Variants in PKHD1 observed in about 807,000 individuals in gnomAD.
The protein encoded by PKHD1 is fibrocystin.
PKHD1 carries 291 observed loss-of-function variants against 412.0 expected under a neutral mutation model. That is an observed-to-expected ratio of 0.71 (90% confidence interval 0.64 to 0.78). PKHD1 has a LOEUF of 0.78. Among genes scored for constraint, PKHD1 ranks in the 30% least tolerant of loss-of-function variants. PKHD1 has a pLI of 0.00. For missense variants in PKHD1, 4,825 were observed against 4,950.7 expected, an observed-to-expected ratio of 0.97 and a Z score of 0.76; for synonymous variants, 1,777 against 1,821.5, an observed-to-expected ratio of 0.98 and a Z score of 0.62.
intron 60 of PKHD1, among the ~76,000 whole-genome samples, chr6:51,692,261 T>TCACA (rs3061680): frequency 0.079 from 11,670 of 147,330 alleles, 840 homozygotes; most frequent in African/African-American, 0.19. Context: ...ATCACATAAT[T>TCACA]CACACACACA....
At chr6:51,819,787 A>G (rs1480084538) in intron 52 of PKHD1, among the ~76,000 whole-genome samples, 1 of 152,206 alleles carries the variant, frequency 6.6e-6, no homozygotes, top group Non-Finnish European at 1.5e-5. Flanking sequence ...GAATACATGT[A>G]AATCAATTTT....
chr6:51,854,252 C>T (rs995052619), intron 49 of PKHD1, among the ~76,000 whole-genome samples: 7 of 151,910 alleles, frequency 4.6e-5, no homozygotes, highest in Non-Finnish European at 8.8e-5. Context: ...TGCTCCCATG[C>T]CTGGAGATGT....
At chr6:51,789,956 CA>C (rs1178434579) in intron 53 of PKHD1, among the ~76,000 whole-genome samples, 1 of 152,104 alleles carries the variant, frequency 6.6e-6, no homozygotes, top group East Asian at 1.9e-4. Flanking sequence ...GGATTTTAAA[CA>C]ATGGGAACAG....
chr6:51,917,161 G>C (rs376613433), intron 37 of PKHD1, among the ~76,000 whole-genome samples: 2 of 145,378 alleles, frequency 1.4e-5, no homozygotes, highest in African/African-American at 5.1e-5. Context: ...TTTAGGGTGG[G>C]GGAGGGAGAG....
At chr6:51,769,593 T>C (rs1364419832) in intron 55 of PKHD1, among the ~76,000 whole-genome samples, 1 of 151,534 alleles carries the variant, frequency 6.6e-6, no homozygotes, top group Non-Finnish European at 1.5e-5. Context: ...ATCTTACTAA[T>C]TTTCTACTTT....
intron 10 of PKHD1, among the ~76,000 whole-genome samples, chr6:52,069,848 GAGAA>G (rs1810334216): frequency 6.6e-6 from 1 of 152,128 alleles, no homozygotes; most frequent in Non-Finnish European, 1.5e-5. Context: ...CTTCCAAAAT[GAGAA>G]AGAGAGAAAA....
intron 60 of PKHD1, among the ~76,000 whole-genome samples, chr6:51,704,219 T>A (rs1006403634): frequency 2.6e-5 from 4 of 151,948 alleles, no homozygotes; most frequent in African/African-American, 9.7e-5. Flanking sequence ...AAAACCAGAA[T>A]AACATATTGC....
At chr6:51,827,119 A>C (rs1029689678) in intron 52 of PKHD1, among the ~76,000 whole-genome samples, 1 of 152,284 alleles carries the variant, frequency 6.6e-6, no homozygotes, top group Non-Finnish European at 1.5e-5. Flanking sequence ...GTTCCATTAA[A>C]ATCGTATTAT....
chr6:51,748,427 G>T lies in PKHD1; in HGVS notation c.9189C>A (p.Asn3063Lys). ...LEGQAYTVTNNLVVLMTQPAW... is the reference protein window; with the variant it reads ...LEGQAYTVTNKLVVLMTQPAW... ...CTGGCTGTGTCATCAGAACCACAAGGTTATTAGTGACAGTATAGGCCTGAC... is the reference window on the plus strand; with the variant it reads ...CTGGCTGTGTCATCAGAACCACAAGTTTATTAGTGACAGTATAGGCCTGAC... Residue 3063 changes from asparagine to lysine, a missense_variant, in exon 58 of 67, where the codon AAC becomes AAA. By Grantham distance (94) the Asn-to-Lys change is moderately conservative. Coordinates refer to ENST00000371117, the MANE Select transcript of PKHD1 (RefSeq NM_138694.4). 1 of 1,614,022 alleles carries T rather than the reference G, an allele frequency of 6.2e-7. No homozygotes were observed. The highest frequency in any genetic ancestry group is 8.5e-7 in the Non-Finnish European group (1 of 1,179,954).
intron 37 of PKHD1, among the ~76,000 whole-genome samples, chr6:51,929,885 C>T (rs1786304146): frequency 6.6e-6 from 1 of 152,146 alleles, no homozygotes; most frequent in South Asian, 2.1e-4. Flanking sequence ...AGGACAAAGA[C>T]AGAAGTCCAG....
chr6:51,883,051 GT>G, intron 46 of PKHD1, 41 bp downstream of exon 46: 1 of 1,553,104 alleles, frequency 6.4e-7, no homozygotes, highest in South Asian at 1.1e-5. Flanking sequence ...ATGTAATTTT[GT>G]TGTGATTGAC....
At chr6:51,811,682 T>C (rs1306768630) in intron 52 of PKHD1, among the ~76,000 whole-genome samples, 2 of 152,132 alleles carry the variant, frequency 1.3e-5, no homozygotes, top group Non-Finnish European at 2.9e-5. Context: ...CTTCACAGGG[T>C]GTTGTGAGGA....
At chr6:51,978,861 T>C (rs570543226) in intron 35 of PKHD1, among the ~76,000 whole-genome samples, 2 of 152,352 alleles carry the variant, frequency 1.3e-5, no homozygotes, top group South Asian at 4.1e-4. Context: ...ACCGAAAGGT[T>C]TGAACTGAAG....
At chr6:51,849,679 C>T (rs918023055) in intron 49 of PKHD1, among the ~76,000 whole-genome samples, 4 of 152,054 alleles carry the variant, frequency 2.6e-5, no homozygotes, top group African/African-American at 7.2e-5. Context: ...TTGTTGGCCG[C>T]GTAAATGTCT....
chr6:51,930,037 T>C (rs1045194152), intron 37 of PKHD1, among the ~76,000 whole-genome samples: 1 of 152,130 alleles, frequency 6.6e-6, no homozygotes. Flanking sequence ...AGATTCCCAC[T>C]GTGGAAGCAA....
chr6:51,921,624 T>A (rs1784723183), intron 37 of PKHD1, among the ~76,000 whole-genome samples: 1 of 152,182 alleles, frequency 6.6e-6, no homozygotes, highest in Non-Finnish European at 1.5e-5. Context: ...CTTTGTTCAT[T>A]TCTTTTAACT....
At chr6:51,930,268 G>A (rs915571939) in intron 37 of PKHD1, among the ~76,000 whole-genome samples, 8 of 152,038 alleles carry the variant, frequency 5.3e-5, no homozygotes, top group African/African-American at 1.4e-4. Context: ...TCATATTAAC[G>A]CATCAAAGTG....
chr6:51,715,204 A>G (rs182489182), intron 60 of PKHD1, among the ~76,000 whole-genome samples: 86 of 152,234 alleles, frequency 5.6e-4, no homozygotes, highest in African/African-American at 1.8e-3. Flanking sequence ...AAAACTAGGC[A>G]GAACAGTTAT....
intron 37 of PKHD1, among the ~76,000 whole-genome samples, chr6:51,918,306 A>G (rs1196065985): frequency 6.6e-6 from 1 of 151,940 alleles, no homozygotes; most frequent in African/African-American, 2.4e-5. Context: ...CCATCAACCC[A>G]TCATCTACAT....
Sources: allele counts gnomAD v4.1 joint callset (sites outside exome capture counted in the v4.1 genomes callset), GRCh38; gene constraint gnomAD v4.1.1; transcripts MANE v1.5; gene names NCBI Gene and HGNC (gene_info 2026-07-23, HGNC 2026-07-21).